The following PTCD2 variants were observed in gnomAD, a reference collection of about 807,000 sequenced individuals.
PTCD2 encodes the protein pentatricopeptide repeat-containing protein 2, mitochondrial.
Under a neutral mutation model 42.6 loss-of-function variants are expected in PTCD2, and 31 were observed. That is an observed-to-expected ratio of 0.73 (90% confidence interval 0.55 to 0.98). The LOEUF (loss-of-function observed/expected upper bound fraction) is 0.98. PTCD2 is among the 50% of genes least tolerant of loss of function. The pLI is 0.00. For synonymous variants in PTCD2, 183 were observed against 170.9 expected, an observed-to-expected ratio of 1.07 and a Z score of -0.55; for missense variants, 476 against 454.8, an observed-to-expected ratio of 1.05 and a Z score of -0.42.
At position 72,361,927 on chromosome 5, in the gene PTCD2, A is replaced by G. The variant is rs1285787292; in HGVS notation, c.*3500A>G. On this transcript the variant is annotated 3_prime_UTR_variant, in exon 10 of 10. Transcript: ENST00000380639. ...ACTCCCCATGTGCCCCATGTACCTC[A>G]TTTATCAAAGTGCTTATCATATGCC... is the stretch of plus-strand genomic sequence containing the variant. The G allele has an allele frequency of 3.3e-5, 5 of 152,156 alleles. No homozygotes were observed. Among genetic ancestry groups the G allele is most frequent in the African/African-American group, 1.2e-4 (5 of 41,402 alleles). The allele number at this position is 152,156 out of a possible 1,614,324, so 9.4% of individuals were successfully genotyped here. A position where few individuals can be genotyped will look rare whatever the true frequency, so the allele number is the denominator to read the frequency against.
intron 7 of PTCD2, 85 bp from the exon 8 acceptor site, chr5:72,342,877 G>A: frequency 1.4e-6 from 1 of 715,882 alleles, no homozygotes; most frequent in Non-Finnish European, 2.2e-6. Flanking sequence ...CACCTTAATA[G>A]GAATATACTG....
intron 8 of PTCD2, among the ~76,000 whole-genome samples, chr5:72,351,312 G>A (rs1413676644): frequency 5.3e-5 from 8 of 152,092 alleles, no homozygotes; most frequent in Non-Finnish European, 8.8e-5. Flanking sequence ...GTATCATTCC[G>A]AAAGCACACT....
In PTCD2 at chr5:72,326,464, G is replaced by A. The variant is rs893286991; in HGVS notation, c.221-148G>A. 1.2e-5 allele frequency: 9 copies of A among 745,534 alleles called. No homozygotes were observed. The South Asian group carries it at 1.4e-4, about 12-fold the overall frequency. The allele number at this position is 745,534 out of a possible 1,614,324, so 46.2% of individuals were successfully genotyped here. A position where few individuals can be genotyped will look rare whatever the true frequency, so the allele number is the denominator to read the frequency against. ...TGCTGATGCTGTTCTAGAGGAGATT[G>A]GCCAGTGATGGCAGCTGTGTGTTTC... On this transcript the variant is annotated intron_variant, in intron 2 of 9. Transcript: ENST00000380639.
At chr5:72,335,547 C>T (rs1751694423) in intron 5 of PTCD2, 1 of 384,830 alleles carries the variant, frequency 2.6e-6, no homozygotes, top group African/African-American at 2.1e-5. Context: ...CATTGCATGT[C>T]ATCCCTTAAA....
rs1752984968 is a variant in PTCD2 at position 72,358,324 on chromosome 5, G to A, written c.1064G>A (p.Cys355Tyr). 2 of 1,613,886 alleles carry A rather than the reference G, an allele frequency of 1.2e-6. No individual in the cohort carries two copies. The highest frequency in any genetic ancestry group is 1.7e-6 in the Non-Finnish European group (2 of 1,179,972). ...VTTDSLDAVL[C>Y]HTPRDRKSHT... ...ACTGATTCTTTGGATGCTGTGCTCTGCCACACCCCCAGGGACAGGAAATCT... is the reference window on the plus strand; with the variant it reads ...ACTGATTCTTTGGATGCTGTGCTCTACCACACCCCCAGGGACAGGAAATCT... Residue 355 changes from cysteine (C) to tyrosine (Y), a missense_variant, in exon 10 of 10, where the codon TGC (cysteine) becomes TAC (tyrosine). Transcript: ENST00000380639.
intron 3 of PTCD2, among the ~76,000 whole-genome samples, chr5:72,330,183 G>A (rs551562541): frequency 6.6e-6 from 1 of 151,090 alleles, no homozygotes; most frequent in Non-Finnish European, 1.5e-5. Context: ...CTCATAATCC[G>A]CCTGGTTCGG....
chr5:72,356,891 G>A (rs1371086357), intron 9 of PTCD2, among the ~76,000 whole-genome samples: 2 of 152,198 alleles, frequency 1.3e-5, no homozygotes, highest in East Asian at 1.9e-4. Context: ...GGAAGAGGTG[G>A]AAGAGGGGCA....
At chr5:72,320,686 C>A in intron 1 of PTCD2, 177 bp downstream of exon 1, 1 of 746,744 alleles carries the variant, frequency 1.3e-6, no homozygotes, top group Non-Finnish European at 2.2e-6. Flanking sequence ...GTCGTGGATA[C>A]CCCCAGTGCC....
In PTCD2 at chr5:72,360,341, G is replaced by A. The variant is rs1437511203; in HGVS notation, c.*1914G>A. On this transcript the variant is annotated 3_prime_UTR_variant, in exon 10 of 10. Transcript: ENST00000380639. ...AGTTCAAATGGCTCCAGTGCTGTGG[G>A]TGAGTGTGGCCTTGGTTGTTAGCTA... The A allele has an allele frequency of 2.6e-5, 4 of 152,166 alleles. No individual in the cohort carries two copies. In the East Asian group the frequency reaches 5.8e-4, roughly 22 times the overall value. The allele number at this position is 152,166 out of a possible 1,614,324, so 9.4% of individuals were successfully genotyped here.
In PTCD2 at chr5:72,343,018, A is replaced by T. The variant is rs751725605; in HGVS notation, c.810A>T (p.Ile270=). 1 of 1,590,010 alleles carries T rather than the reference A, an allele frequency of 6.3e-7. No homozygotes were observed. Among genetic ancestry groups the T allele is most frequent in the South Asian group, 1.1e-5 (1 of 88,062 alleles). The change falls in exon 8 of 10, where the codon ATA becomes ATT. Residue 270 remains isoleucine (I), a synonymous_variant. Coordinates refer to ENST00000380639, the MANE Select transcript of PTCD2 (RefSeq NM_024754.5). ...IFSQIMNPES[I]ACINLNIIIH... ...CTCAAATCATGAATCCAGAAAGCATAGCCTGCATTAATTTAAATGTAAGTG... is the reference window on the plus strand; with the variant it reads ...CTCAAATCATGAATCCAGAAAGCATTGCCTGCATTAATTTAAATGTAAGTG...
At chr5:72,339,274 G>C (rs1442211381) in intron 7 of PTCD2, among the ~76,000 whole-genome samples, 2 of 152,232 alleles carry the variant, frequency 1.3e-5, no homozygotes, top group Non-Finnish European at 2.9e-5. Flanking sequence ...GACAGAGTTA[G>C]AGCTGAAACC....
rs1753056834 is a variant in PTCD2, at chr5:72,360,050, G to T, written c.*1623G>T. On this transcript the variant is annotated 3_prime_UTR_variant, in exon 10 of 10. Transcript: ENST00000380639. Reference sequence around the variant, plus strand: ...ATGCAATATGTTTGAAACTAGTTAAGGAATTATAAAAACAAATGAGTTCTT... The same window carrying T: ...ATGCAATATGTTTGAAACTAGTTAATGAATTATAAAAACAAATGAGTTCTT... 1 of 151,890 alleles carries T rather than the reference G, an allele frequency of 6.6e-6. No individual in the cohort carries two copies. Among genetic ancestry groups the T allele is most frequent in the African/African-American group, 2.4e-5 (1 of 41,350 alleles). 9.4% of individuals were successfully genotyped at this position (151,890 alleles called of 1,614,324 possible). A position where few individuals can be genotyped will look rare whatever the true frequency, so the allele number is the denominator to read the frequency against.
chr5:72,348,119 C>T (rs1038515017), intron 8 of PTCD2, among the ~76,000 whole-genome samples: 5 of 152,138 alleles, frequency 3.3e-5, no homozygotes, highest in African/African-American at 4.8e-5. Flanking sequence ...TCATCTTCCT[C>T]GGGGATGATG....
Position 72,358,413 on chromosome 5 carries a change from C to G in PTCD2, c.1153C>G (p.Leu385Val). The G allele has an allele frequency of 6.2e-7, 1 of 1,612,304 alleles. No homozygotes were observed. The highest frequency in any genetic ancestry group is 8.5e-7 in the Non-Finnish European group (1 of 1,178,874). The change falls in exon 10 of 10, where the codon CTG becomes GTG. Residue 385 changes from leucine (L) to valine (V), a missense_variant. Coordinates refer to ENST00000380639, the MANE Select transcript of PTCD2 (RefSeq NM_024754.5). ...RRTFQPLSQS[L>V]LAE ...CACCTTCCAGCCACTCAGCCAGTCC[C>G]TGTTGGCTGAGTAACCCTGGTTTCA... is the stretch of plus-strand genomic sequence containing the variant.
rs574908266 is a variant in PTCD2, at chr5:72,320,404, G to A, written c.22G>A (p.Ala8Thr). The change falls in exon 1 of 10, where the codon GCT (alanine) becomes ACT (threonine). Residue 8 changes from alanine (A) to threonine (T), a missense_variant. Physicochemically the swap from Ala to Thr is moderately conservative, Grantham distance 58. Coordinates refer to ENST00000380639, the MANE Select transcript of PTCD2 (RefSeq NM_024754.5). ...TGGTATGGTCCGAGACAGTATGGCT[G>A]CTGCATTTCGGCCCTCGAATCGAGT... MVRDSMA[A>T]AFRPSNRVLL... 2 of 1,614,084 alleles carry A rather than the reference G, an allele frequency of 1.2e-6. No individual in the cohort carries two copies. Among genetic ancestry groups the A allele is most frequent in the Non-Finnish European group, 1.7e-6 (2 of 1,180,048 alleles).
rs564555521 is a variant in PTCD2, at chr5:72,366,236, A to C, written c.*7809A>C. ...TGTTTCAAATAATAATAATAATAAT[A>C]AGACTTACCATTTGCCAGGTCCTGT... is the stretch of plus-strand genomic sequence containing the variant. On this transcript the variant is annotated 3_prime_UTR_variant, in exon 10 of 10. Transcript: ENST00000380639. The C allele has an allele frequency of 1.3e-5, 2 of 152,256 alleles. No individual in the cohort carries two copies. The highest frequency in any genetic ancestry group is 3.9e-4 in the East Asian group (2 of 5,188). The allele number at this position is 152,256 out of a possible 1,614,324, so 9.4% of individuals were successfully genotyped here.
At chr5:72,331,487 CTGGGGCTG>C in intron 4 of PTCD2, 112 bp downstream of exon 4, 1 of 811,546 alleles carries the variant, frequency 1.2e-6, no homozygotes, top group Non-Finnish European at 2.1e-6. Flanking sequence ...AGAAAGGCTG[CTGGGGCTG>C]AATGAGCACA....
intron 8 of PTCD2, among the ~76,000 whole-genome samples, chr5:72,346,302 A>G (rs1752357204): frequency 6.6e-6 from 1 of 152,204 alleles, no homozygotes; most frequent in Non-Finnish European, 1.5e-5. Context: ...TACACCTGGT[A>G]ATGGATTTGA....
At chr5:72,353,227 T>G (rs982450181) in intron 9 of PTCD2, among the ~76,000 whole-genome samples, 12 of 152,162 alleles carry the variant, frequency 7.9e-5, no homozygotes, top group African/African-American at 2.9e-4. Flanking sequence ...ACCAGCCTCT[T>G]CAGTCATGCA....
Sources: gnomAD v4.1 joint callset for allele counts (sites outside exome capture counted in the v4.1 genomes callset) on GRCh38, gnomAD v4.1.1 for gene constraint, MANE v1.5 for transcripts, NCBI Gene and HGNC (gene_info 2026-07-23, HGNC 2026-07-21) for gene names.